Variants in CCR3 observed in about 807,000 individuals in gnomAD.
CCR3 encodes the protein C-C motif chemokine receptor 3, also known as C-C chemokine receptor type 3.
For synonymous variants in CCR3, 203 were observed against 179.2 expected, an observed-to-expected ratio of 1.13 and a Z score of -1.06; for missense variants, 419 against 437.5, an observed-to-expected ratio of 0.96 and a Z score of 0.38.
upstream of CCR3, among the ~76,000 whole-genome samples, chr3:46,238,860 C>T (rs75968470): frequency 3.2e-4 from 48 of 152,236 alleles, no homozygotes; most frequent in African/African-American, 1.1e-3. Context: ...TGGCATGATG[C>T]CATTTATATA....
At chr3:46,214,331 G>A (rs941466546) in intron 2 of CCR3, among the ~76,000 whole-genome samples, 15 of 152,050 alleles carry the variant, frequency 9.9e-5, no homozygotes, top group African/African-American at 3.6e-4. Context: ...CTGTTACATG[G>A]CTGGATTCTC....
chr3:46,238,922 C>T (rs1345166279), upstream of CCR3, among the ~76,000 whole-genome samples: 2 of 152,056 alleles, frequency 1.3e-5, no homozygotes, highest in Admixed American at 6.6e-5. Flanking sequence ...CGCAGATCAG[C>T]GGTTGCCTGG....
At position 46,265,772 on chromosome 3, in the gene CCR3, T is replaced by C; in HGVS notation, c.614T>C (p.Ile205Thr). Residue 205 changes from isoleucine to threonine, a missense_variant, in exon 2 of 2, where the codon ATC (isoleucine) becomes ACC (threonine). By Grantham distance (89) the Ile-to-Thr change is moderately conservative. Coordinates refer to ENST00000395940, the MANE Select transcript of CCR3 (RefSeq NM_178329.3). ...CATTTCCACACTCTGAGAATGACCA[T>C]CTTCTGTCTCGTTCTCCCTCTGCTC... ...WRHFHTLRMT[I>T]FCLVLPLLVM... The C allele has an allele frequency of 3.1e-6, 5 of 1,613,864 alleles. No individual in the cohort carries two copies. Among genetic ancestry groups the C allele is most frequent in the Non-Finnish European group, 4.2e-6 (5 of 1,179,994 alleles).
Position 46,265,725 on chromosome 3 carries a change from G to A in CCR3, c.567G>A (p.Glu189=). ...EETLCSALYP[E]DTVYSWRHFH... is the part of the protein sequence containing the mutation. ...CTCTTTGCAGTGCTCTTTACCCAGAGGATACAGTATATAGCTGGAGGCATT... is the reference window on the plus strand; with the variant it reads ...CTCTTTGCAGTGCTCTTTACCCAGAAGATACAGTATATAGCTGGAGGCATT... Residue 189 remains glutamate, a synonymous_variant, in exon 2 of 2, where the codon GAG becomes GAA. Transcript: ENST00000395940. 6.2e-7 allele frequency: 1 copy of A among 1,613,918 alleles called. No homozygotes were observed. Among genetic ancestry groups the A allele is most frequent in the Non-Finnish European group, 8.5e-7 (1 of 1,179,974 alleles).
intron 1 of CCR3, among the ~76,000 whole-genome samples, chr3:46,248,243 G>T (rs1700235882): frequency 1.3e-5 from 2 of 152,290 alleles, no homozygotes; most frequent in Non-Finnish European, 2.9e-5. Flanking sequence ...CAAAGAGTGA[G>T]TACAGCTGAA....
At chr3:46,229,012 C>T (rs1428855995) in intron 2 of CCR3, among the ~76,000 whole-genome samples, 1 of 152,152 alleles carries the variant, frequency 6.6e-6, no homozygotes, top group Non-Finnish European at 1.5e-5. Context: ...CTTTCCTGCT[C>T]AGCTAGCTAT....
At chr3:46,223,484 C>T (rs1197366143) in intron 2 of CCR3, among the ~76,000 whole-genome samples, 1 of 152,194 alleles carries the variant, frequency 6.6e-6, no homozygotes, top group Admixed American at 6.5e-5. Context: ...GGCCCATGCC[C>T]AATCCTTTTT....
At position 46,266,208 on chromosome 3, in the gene CCR3, A is replaced by G. The variant is rs1346535217; in HGVS notation, c.1050A>G (p.Glu350=). The change falls in exon 2 of 2, where the codon GAA becomes GAG. Residue 350 remains glutamate (E), a synonymous_variant. Coordinates refer to ENST00000395940, the MANE Select transcript of CCR3 (RefSeq NM_178329.3). ...SSVSPSTAEP[E]LSIVF ...TCTCTCCATCCACAGCAGAGCCGGA[A>G]CTCTCTATTGTGTTTTAGGTCAGAT... is the stretch of plus-strand genomic sequence containing the variant. The G allele has an allele frequency of 1.9e-6, 3 of 1,611,848 alleles. No individual in the cohort carries two copies. The highest frequency in any genetic ancestry group is 1.6e-4 in the Middle Eastern group (1 of 6,062).
At chr3:46,245,621 G>A (rs1453784547) in intron 1 of CCR3, among the ~76,000 whole-genome samples, 3 of 151,738 alleles carry the variant, frequency 2.0e-5, no homozygotes, top group Non-Finnish European at 4.4e-5. Flanking sequence ...AGGTAAACTC[G>A]TGCCATGGGG....
At chr3:46,249,452 G>T (rs1198342397) in intron 1 of CCR3, among the ~76,000 whole-genome samples, 3 of 152,174 alleles carry the variant, frequency 2.0e-5, no homozygotes, top group Non-Finnish European at 2.9e-5. Context: ...GTAATGTGGA[G>T]TGGGTAGCCT....
At chr3:46,232,394 A>G (rs932087088) in intron 2 of CCR3, among the ~76,000 whole-genome samples, 11 of 152,166 alleles carry the variant, frequency 7.2e-5, no homozygotes, top group Non-Finnish European at 1.0e-4. Flanking sequence ...AGCCGGCAGA[A>G]CCCCAGTGAG....
chr3:46,250,247 C>T (rs1033540936), intron 1 of CCR3, among the ~76,000 whole-genome samples: 18 of 151,946 alleles, frequency 1.2e-4, no homozygotes, highest in Admixed American at 6.6e-4. Flanking sequence ...AACTGTAAGC[C>T]GGACCAGGTG....
intron 1 of CCR3, chr3:46,264,190 C>A (rs934723475): frequency 3.8e-6 from 2 of 520,738 alleles, no homozygotes; most frequent in East Asian, 3.8e-5. Context: ...ATTGACTGAC[C>A]CCTCCTGCTT....
intron 2 of CCR3, among the ~76,000 whole-genome samples, chr3:46,222,240 G>C (rs947785345): frequency 1.3e-5 from 2 of 152,172 alleles, no homozygotes; most frequent in African/African-American, 4.8e-5. Context: ...CACACCTAGG[G>C]CATTCCTGGA....
intron 2 of CCR3, among the ~76,000 whole-genome samples, chr3:46,219,050 C>A (rs1193207634): frequency 6.6e-6 from 1 of 152,026 alleles, no homozygotes; most frequent in Non-Finnish European, 1.5e-5. Context: ...CGCTGTTTGC[C>A]CATGATATGA....
At chr3:46,214,206 G>T (rs1699747970) in intron 2 of CCR3, among the ~76,000 whole-genome samples, 1 of 152,078 alleles carries the variant, frequency 6.6e-6, no homozygotes, top group Non-Finnish European at 1.5e-5. Context: ...TGATGATCTT[G>T]TTTCCTATTT....
chr3:46,242,830 G>A (rs1700107378), intron 1 of CCR3, among the ~76,000 whole-genome samples: 1 of 151,472 alleles, frequency 6.6e-6, no homozygotes, highest in African/African-American at 2.4e-5. Context: ...CTGTGCCCAT[G>A]TTACCCTCCT....
rs563665384 is a variant in CCR3, at chr3:46,223,904, G to A, written c.-68+12997G>A. ...GACTTGAGCAGGTTCAGAAACATAA[G>A]CCCAGAGGTGTCGGTAAATAGAGTC... On this transcript the variant is annotated intron_variant, in intron 2 of 3. Coordinates refer to the CCR3 transcript ENST00000357422. Among the ~76,000 whole-genome samples the A allele has an allele frequency of 1.1e-4, 17 of 152,246 alleles. No individual in the cohort carries two copies. The South Asian group carries it at 2.7e-3, about 24-fold the overall frequency.
chr3:46,261,641 C>G (rs1221947025), intron 1 of CCR3, among the ~76,000 whole-genome samples: 3 of 152,210 alleles, frequency 2.0e-5, no homozygotes, highest in Non-Finnish European at 4.4e-5. Flanking sequence ...TGGGGACCCC[C>G]AAGGAATGTC....
Sources: gnomAD v4.1 joint callset for allele counts (sites outside exome capture counted in the v4.1 genomes callset) on GRCh38, gnomAD v4.1.1 for gene constraint, MANE v1.5 for transcripts, NCBI Gene and HGNC (gene_info 2026-07-23, HGNC 2026-07-21) for gene names.